Variants in SKOR1 observed in about 807,000 individuals in gnomAD.
SKOR1 encodes LBX1 corepressor 1.
SKOR1 carries 38 observed loss-of-function variants against 72.4 expected under a neutral mutation model. The observed-to-expected ratio is 0.52, with a 90% CI of 0.40 to 0.69. The LOEUF is 0.69. Ranked by LOEUF, SKOR1 falls within the 30% of genes least tolerant of loss-of-function variation. The pLI is 0.00. For synonymous variants in SKOR1, 642 were observed against 599.4 expected, an observed-to-expected ratio of 1.07 and a Z score of -1.04; for missense variants, 1,320 against 1,343.2, an observed-to-expected ratio of 0.98 and a Z score of 0.27.
At chr15:67,831,952 G>A (rs1390188965) in intron 5 of SKOR1, among the ~76,000 whole-genome samples, 3 of 151,132 alleles carry the variant, frequency 2.0e-5, no homozygotes, top group African/African-American at 7.4e-5. Flanking sequence ...GTCACTTGAA[G>A]TGGGAAATCA....
chr15:67,825,950 A>T lies in SKOR1; in HGVS notation c.122A>T (p.Glu41Val). Residue 41 changes from glutamate (E) to valine (V), a missense_variant, in exon 2 of 9, where the codon GAG (glutamate) becomes GTG (valine). By Grantham distance (121) the Glu-to-Val change is moderately radical (BLOSUM62 -2). This residue lies in a region of SKOR1 where 120 missense variants were observed against 104.9 expected (regional missense o/e 1.14). Coordinates refer to ENST00000380035, the MANE Select transcript of SKOR1 (RefSeq NM_001365915.1). The surrounding 1 kb of genome is among the most constrained non-coding windows in gnomAD (Gnocchi z 5.6). ...CTATTTCGCAGGAGCGGCGGCATGGAGGCTCTCACCACTCAGCTGGGGCCG... is the reference window on the plus strand; with the variant it reads ...CTATTTCGCAGGAGCGGCGGCATGGTGGCTCTCACCACTCAGCTGGGGCCG... ...ARAFLRSGGM[E>V]ALTTQLGPGR... is the part of the protein sequence containing the mutation. The T allele has an allele frequency of 6.6e-7, 1 of 1,516,974 alleles. No homozygotes were observed. The highest frequency in any genetic ancestry group is 8.8e-7 in the Non-Finnish European group (1 of 1,134,998). The allele number at this position is 1,516,974 out of a possible 1,614,324, so 94.0% of individuals were successfully genotyped here.
rs1171372725 is a variant in SKOR1 at position 67,827,602 on chromosome 15, G to C, written c.1774G>C (p.Val592Leu). The C allele has an allele frequency of 6.5e-7, 1 of 1,528,272 alleles. No homozygotes were observed. The highest frequency in any genetic ancestry group is 8.7e-7 in the Non-Finnish European group (1 of 1,144,144). 94.7% of individuals were successfully genotyped at this position (1,528,272 alleles called of 1,614,324 possible). The change falls in exon 2 of 9, where the codon GTG (valine) becomes CTG (leucine). Residue 592 changes from valine (V) to leucine (L), a missense_variant. Around this residue, in one of 3 missense-constraint regions of SKOR1, gnomAD observed 1,099 missense variants for 1,025.5 expected, o/e 1.07. Coordinates refer to ENST00000380035, the MANE Select transcript of SKOR1 (RefSeq NM_001365915.1). ...PPPPARKGSYVSAFRPVVKDT... is the reference protein window; with the variant it reads ...PPPPARKGSYLSAFRPVVKDT... ...GCCGCCCGCACGCAAAGGCTCCTACGTGTCGGCCTTCCGGCCGGTGGTCAA... is the reference window on the plus strand; with the variant it reads ...GCCGCCCGCACGCAAAGGCTCCTACCTGTCGGCCTTCCGGCCGGTGGTCAA...
In SKOR1 at chr15:67,827,980, C is replaced by T. The variant is rs1449171558; in HGVS notation, c.2152C>T (p.Arg718Cys). 1.9e-6 allele frequency: 3 copies of T among 1,538,656 alleles called. No homozygotes were observed. In the East Asian group the frequency reaches 7.3e-5, roughly 38 times the overall value. ...PANSPDGGSP[R>C]PRRRLGPPPA... Reference sequence around the variant, plus strand: ...AAACTCTCCCGACGGCGGCAGCCCCCGCCCCCGGCGCCGCCTCGGGCCACC... The same window carrying T: ...AAACTCTCCCGACGGCGGCAGCCCCTGCCCCCGGCGCCGCCTCGGGCCACC... The change falls in exon 2 of 9, where the codon CGC becomes TGC. Residue 718 changes from arginine to cysteine, a missense_variant. Arg to Cys is a radical substitution (Grantham distance 180). Coordinates refer to ENST00000380035, the MANE Select transcript of SKOR1 (RefSeq NM_001365915.1).
rs754459854 is a variant in SKOR1, at chr15:67,826,841, G to A, written c.1013G>A (p.Gly338Glu). ...GAAGATGAGGCTGCCGGGCCTCCGG[G>A]GCCACCTCCACCCCACCCGCAGCGC... ...CGEDEAAGPP[G>E]PPPPHPQRGL... is the part of the protein sequence containing the mutation. Residue 338 changes from glycine (G) to glutamate (E), a missense_variant, in exon 2 of 9, where the codon GGG becomes GAG. Coordinates refer to ENST00000380035, the MANE Select transcript of SKOR1 (RefSeq NM_001365915.1). The A allele has an allele frequency of 6.6e-7, 1 of 1,524,602 alleles. No homozygotes were observed. The highest frequency in any genetic ancestry group is 2.0e-5 in the Admixed American group (1 of 49,744). The allele number at this position is 1,524,602 out of a possible 1,614,324, so 94.4% of individuals were successfully genotyped here.
Position 67,827,309 on chromosome 15 carries a change from C to T in SKOR1, c.1481C>T (p.Ala494Val). 6.3e-7 allele frequency: 1 copy of T among 1,590,734 alleles called. No individual in the cohort carries two copies. Among genetic ancestry groups the T allele is most frequent in the Non-Finnish European group, 8.5e-7 (1 of 1,176,014 alleles). The part of the protein sequence containing the change: ...VYPTFPMFWP[A>V]AGSLPVPSYP... Reference sequence around the variant, plus strand: ...CCGACGTTTCCCATGTTCTGGCCAGCAGCAGGCAGCCTCCCGGTACCGTCC... The same window carrying T: ...CCGACGTTTCCCATGTTCTGGCCAGTAGCAGGCAGCCTCCCGGTACCGTCC... Residue 494 changes from alanine to valine, a missense_variant, in exon 2 of 9, where the codon GCA (alanine) becomes GTA (valine). By Grantham distance (64) the Ala-to-Val change is moderately conservative. Around this residue, in one of 3 missense-constraint regions of SKOR1, gnomAD observed 1,099 missense variants for 1,025.5 expected, o/e 1.07. Transcript: ENST00000380035.
chr15:67,833,655 G>A lies in SKOR1; in HGVS notation c.2804-87G>A. The A allele has an allele frequency of 7.2e-7, 1 of 1,385,412 alleles. No homozygotes were observed. 85.8% of individuals were successfully genotyped at this position (1,385,412 alleles called of 1,614,324 possible). On this transcript the variant is annotated intron_variant, in intron 8 of 8. Coordinates refer to ENST00000380035, the MANE Select transcript of SKOR1 (RefSeq NM_001365915.1). This position sits in a 1 kb window ranked among gnomAD's most constrained non-coding sequence, Gnocchi z 6.0. ...GAGATTCCCTGACCCCAAAGGGTTG[G>A]TAAGGCCGGGGAGGGGAAAGGGTGG... is the stretch of plus-strand genomic sequence containing the variant.
At chr15:67,829,118 G>A in intron 2 of SKOR1, 61 bp from the exon 3 acceptor site, 1 of 1,437,060 alleles carries the variant, frequency 7.0e-7, no homozygotes, top group East Asian at 2.5e-5. Context: ...GGTAGGGCTG[G>A]GCGTCTTTGG....
At chr15:67,830,966 T>C (rs1369342734) in intron 5 of SKOR1, 77 bp downstream of exon 5, 1 of 1,436,174 alleles carries the variant, frequency 7.0e-7, no homozygotes, top group Non-Finnish European at 9.8e-7. Context: ...GTGTTATCCC[T>C]GTAGGGGGTG....
chr15:67,827,550 C>T lies in SKOR1; in HGVS notation c.1722C>T (p.Pro574=), dbSNP rs1324971249. The change falls in exon 2 of 9, where the codon CCC becomes CCT. Residue 574 remains proline (P), a synonymous_variant. Transcript: ENST00000380035. ...GCACGGACGAGGCGCTGCCACCGCC[C>T]CTGGCCCCGTTGCCCCCGCCGCCCC... The part of the protein sequence containing the change: ...EDGTDEALPP[P]LAPLPPPPPP... The T allele has an allele frequency of 3.3e-6, 5 of 1,521,754 alleles. No homozygotes were observed. The highest frequency in any genetic ancestry group is 8.8e-7 in the Non-Finnish European group (1 of 1,141,620). The allele number at this position is 1,521,754 out of a possible 1,614,324, so 94.3% of individuals were successfully genotyped here. A position where few individuals can be genotyped will look rare whatever the true frequency, so the allele number is the denominator to read the frequency against.
At position 67,833,711 on chromosome 15, in the gene SKOR1, C is replaced by T; in HGVS notation, c.2804-31C>T. On this transcript the variant is annotated intron_variant, in intron 8 of 8. Transcript: ENST00000380035. This position sits in a 1 kb window ranked among gnomAD's most constrained non-coding sequence, Gnocchi z 6.0. Reference sequence around the variant, plus strand: ...GCGGTGAGGTGAGCCTGGAGAGGCGCCCAGAGTGACCCTCGCGACTGTCTC... The same window carrying T: ...GCGGTGAGGTGAGCCTGGAGAGGCGTCCAGAGTGACCCTCGCGACTGTCTC... The T allele has an allele frequency of 1.2e-6, 2 of 1,609,104 alleles. No individual in the cohort carries two copies. Among genetic ancestry groups the T allele is most frequent in the Middle Eastern group, 1.7e-4 (1 of 6,044 alleles).
In SKOR1 at chr15:67,833,459, G is replaced by A. The variant is rs1221451990; in HGVS notation, c.2803+202G>A. Among the ~76,000 whole-genome samples, 1 of 152,196 alleles carries A rather than the reference G, an allele frequency of 6.6e-6. No individual in the cohort carries two copies. The highest frequency in any genetic ancestry group is 1.5e-5 in the Non-Finnish European group (1 of 68,026). ...AAAAGAAAGAGCCCCTTGGGCTTTG[G>A]ACGTCAGAAAAATCTGCCTTCTATT... On this transcript the variant is annotated intron_variant, in intron 8 of 8. Coordinates refer to ENST00000380035, the MANE Select transcript of SKOR1 (RefSeq NM_001365915.1). This position sits in a 1 kb window ranked among gnomAD's most constrained non-coding sequence, Gnocchi z 6.0.
intron 2 of SKOR1, 100 bp from the exon 3 acceptor site, chr15:67,829,079 A>C (rs2141367796): frequency 9.0e-7 from 1 of 1,117,140 alleles, no homozygotes; most frequent in Non-Finnish European, 1.2e-6. Flanking sequence ...AACCTTTGCC[A>C]CTCCGTCGGC....
In SKOR1 at chr15:67,826,774, A is replaced by T. The variant is rs776584198; in HGVS notation, c.946A>T (p.Met316Leu). ...GGGGPGCGAE[M>L]APGPPPHKSL... is the part of the protein sequence containing the mutation. Reference sequence around the variant, plus strand: ...CGGTGGCCCAGGGTGCGGTGCAGAGATGGCCCCAGGCCCGCCGCCCCACAA... The same window carrying T: ...CGGTGGCCCAGGGTGCGGTGCAGAGTTGGCCCCAGGCCCGCCGCCCCACAA... Residue 316 changes from methionine to leucine, a missense_variant, in exon 2 of 9, where the codon ATG becomes TTG. Coordinates refer to ENST00000380035, the MANE Select transcript of SKOR1 (RefSeq NM_001365915.1). The T allele has an allele frequency of 2.3e-5, 35 of 1,533,770 alleles. No homozygotes were observed. The South Asian group carries it at 3.7e-4, about 16-fold the overall frequency.
In SKOR1 at chr15:67,826,976, G is replaced by T. The variant is rs2090964471; in HGVS notation, c.1148G>T (p.Gly383Val). The change falls in exon 2 of 9, where the codon GGG (glycine) becomes GTG (valine). Residue 383 changes from glycine (G) to valine (V), a missense_variant. Physicochemically the swap from Gly to Val is moderately radical, Grantham distance 109. This residue lies in a region of SKOR1 where 1,099 missense variants were observed against 1,025.5 expected (regional missense o/e 1.07). Coordinates refer to ENST00000380035, the MANE Select transcript of SKOR1 (RefSeq NM_001365915.1). ...PVIPVPSKGF[G>V]LLQKLPPPLF... ...ATCCCGGTGCCCAGCAAAGGCTTTG[G>T]GCTCCTGCAAAAGCTGCCCCCACCA... 1.9e-6 allele frequency: 3 copies of T among 1,596,220 alleles called. No homozygotes were observed. The highest frequency in any genetic ancestry group is 2.5e-6 in the Non-Finnish European group (3 of 1,178,850).
chr15:67,827,146 G>C lies in SKOR1; in HGVS notation c.1318G>C (p.Gly440Arg), dbSNP rs774186054. ...CGCGGGGACAGGCGGGGGTGCGGGG[G>C]GCCCGGGAGCCAGCCACTTGCCCCC... Reference protein sequence around the residue: ...GGAGTGGGAGGPGASHLPPGA... With the variant: ...GGAGTGGGAGRPGASHLPPGA... The change falls in exon 2 of 9, where the codon GGC becomes CGC. Residue 440 changes from glycine to arginine, a missense_variant. Gly to Arg is a moderately radical substitution (Grantham distance 125). Transcript: ENST00000380035. 5.9e-6 allele frequency: 8 copies of C among 1,360,422 alleles called. No homozygotes were observed. The African/African-American group carries it at 1.2e-4, about 21-fold the overall frequency. The allele number at this position is 1,360,422 out of a possible 1,614,324, so 84.3% of individuals were successfully genotyped here. A position where few individuals can be genotyped will look rare whatever the true frequency, so the allele number is the denominator to read the frequency against.
In SKOR1 at chr15:67,832,657, G is replaced by C. The variant is rs760340411; in HGVS notation, c.2713G>C (p.Val905Leu). ...GGAATTGGCTTATCGAGAAGAAATG[G>C]TGCAACAGCTGCAAATTGTCAGAGG... is the stretch of plus-strand genomic sequence containing the variant. The part of the protein sequence containing the change: ...KRELAYREEM[V>L]QQLQIVRDTL... Residue 905 changes from valine to leucine, a missense_variant, in exon 7 of 9, where the codon GTG becomes CTG. Around this residue, in one of 3 missense-constraint regions of SKOR1, gnomAD observed 1,099 missense variants for 1,025.5 expected, o/e 1.07. Transcript: ENST00000380035. The surrounding 1 kb of genome is among the most constrained non-coding windows in gnomAD (Gnocchi z 4.5). 1.9e-6 allele frequency: 3 copies of C among 1,614,084 alleles called. No individual in the cohort carries two copies. The highest frequency in any genetic ancestry group is 1.7e-5 in the Admixed American group (1 of 60,020).
chr15:67,828,166 C>A, intron 2 of SKOR1, 22 bp downstream of exon 2: 1 of 1,420,342 alleles, frequency 7.0e-7, no homozygotes, highest in Non-Finnish European at 9.1e-7. Context: ...GCCCGCCCCG[C>A]CAGTGGCGCC....
At chr15:67,829,753 G>A (rs1408806714) in intron 3 of SKOR1, among the ~76,000 whole-genome samples, 1 of 152,240 alleles carries the variant, frequency 6.6e-6, no homozygotes, top group African/African-American at 2.4e-5. Flanking sequence ...CAGAGGAGGG[G>A]TTGGGGGCAG....
chr15:67,832,157 C>T lies in SKOR1; in HGVS notation c.2588-117C>T, dbSNP rs542062739. The T allele has an allele frequency of 2.4e-5, 21 of 877,832 alleles. No individual in the cohort carries two copies. The East Asian group carries it at 5.1e-4, about 21-fold the overall frequency. 54.4% of individuals were successfully genotyped at this position (877,832 alleles called of 1,614,324 possible). On this transcript the variant is annotated intron_variant, in intron 5 of 8. Transcript: ENST00000380035. This position sits in a 1 kb window ranked among gnomAD's most constrained non-coding sequence, Gnocchi z 4.5. ...GTAAAGCCAGAGAGCGGAGGGCCTCCACCTACTGGTCATCCTTCTCAACTC... is the reference window on the plus strand; with the variant it reads ...GTAAAGCCAGAGAGCGGAGGGCCTCTACCTACTGGTCATCCTTCTCAACTC...
Sources: gnomAD v4.1 joint callset for allele counts (sites outside exome capture counted in the v4.1 genomes callset) on GRCh38, gnomAD v4.1.1 for gene constraint, gnomAD v4.1.1 regional missense constraint, Gnocchi (gnomAD v3.1) non-coding constraint, MANE v1.5 for transcripts, NCBI Gene and HGNC (gene_info 2026-07-23, HGNC 2026-07-21) for gene names.